The following NKAIN3 variants were observed in gnomAD, a reference collection of about 807,000 sequenced individuals.
The protein encoded by NKAIN3 is sodium/potassium transporting ATPase interacting 3, also known as sodium/potassium-transporting ATPase subunit beta-1-interacting protein 3.
In NKAIN3, 25 loss-of-function variants were observed where a neutral mutation model predicts 30.2. That is an observed-to-expected ratio of 0.83 (90% CI 0.60 to 1.16). NKAIN3 has a LOEUF of 1.16. NKAIN3 is among the 50% of genes most tolerant of loss of function. The probability of loss-of-function intolerance (pLI) is 0.00; values close to 1 mark genes in which losing one functional copy is unlikely to be tolerated. For missense variants in NKAIN3, 225 were observed against 254.1 expected (o/e 0.89, Z 0.78); for synonymous variants, 91 against 89.6 (o/e 1.02, Z -0.09).
chr8:62,625,504 G>A (rs764240931), intron 3 of NKAIN3, among the ~76,000 whole-genome samples: 18 of 152,032 alleles, frequency 1.2e-4, no homozygotes, highest in Non-Finnish European at 2.4e-4. Flanking sequence ...ATCCATTTAA[G>A]TTTTGTCTCC....
chr8:62,510,571 TAGGGTTTGTTAACAAA>T (rs555032420), intron 1 of NKAIN3, among the ~76,000 whole-genome samples: 72 of 151,852 alleles, frequency 4.7e-4, no homozygotes, highest in African/African-American at 1.7e-3. Flanking sequence ...CTTATGAAAA[TAGGGTTTGTTAACAAA>T]AGGAAAGATG....
intron 1 of NKAIN3, among the ~76,000 whole-genome samples, chr8:62,489,809 G>A (rs1807014189): frequency 6.6e-6 from 1 of 152,088 alleles, no homozygotes; most frequent in Admixed American, 6.6e-5. Context: ...ATATTATCCT[G>A]TGCATTTGGT....
At chr8:62,789,435 T>G (rs28789677) in intron 4 of NKAIN3, among the ~76,000 whole-genome samples, 13,999 of 152,176 alleles carry the variant, frequency 0.092, 670 homozygotes, top group African/African-American at 0.1. Flanking sequence ...GATTTTGGGC[T>G]GAGACAATGG....
intron 1 of NKAIN3, among the ~76,000 whole-genome samples, chr8:62,320,238 G>T (rs1814825185): frequency 6.6e-6 from 1 of 152,082 alleles, no homozygotes; most frequent in Non-Finnish European, 1.5e-5. Flanking sequence ...CTGCATGTGA[G>T]ATGGGTTTCC....
chr8:62,416,276 A>G (rs1232413661), intron 1 of NKAIN3, among the ~76,000 whole-genome samples: 1 of 152,172 alleles, frequency 6.6e-6, no homozygotes, highest in Non-Finnish European at 1.5e-5. Context: ...CTCTAAAATA[A>G]TGGCATTTTA....
rs1233503604 is a variant in NKAIN3 at position 62,972,749 on chromosome 8, A to G, written c.*7342A>G. 6.6e-6 allele frequency among the ~76,000 whole-genome samples: 1 copy of G among 152,156 alleles called. No individual in the cohort carries two copies. Among genetic ancestry groups the G allele is most frequent in the Non-Finnish European group, 1.5e-5 (1 of 68,016 alleles). On this transcript the variant is annotated 3_prime_UTR_variant, in exon 7 of 7. Transcript: ENST00000623646. ...GTGCAGGTTTGTTACATAGGTATAC[A>G]TGTGCCATGGTGGTTTGCTGCACCC...
At chr8:62,543,032 T>G (rs1015826893) in intron 1 of NKAIN3, among the ~76,000 whole-genome samples, 1 of 152,098 alleles carries the variant, frequency 6.6e-6, no homozygotes, top group Non-Finnish European at 1.5e-5. Context: ...CATGTAAGTA[T>G]CTATACTCAT....
chr8:62,262,235 C>A (rs993116105), intron 1 of NKAIN3, among the ~76,000 whole-genome samples: 2 of 152,066 alleles, frequency 1.3e-5, no homozygotes, highest in African/African-American at 4.8e-5. Context: ...AGGTAGCTTT[C>A]CCTCATTATT....
chr8:62,315,470 A>G (rs755209089), intron 1 of NKAIN3, among the ~76,000 whole-genome samples: 3 of 152,176 alleles, frequency 2.0e-5, no homozygotes, highest in Admixed American at 6.5e-5. Context: ...ATAGAAGTTG[A>G]TTTTGCAAGA....
At chr8:62,487,187 G>T (rs754705745) in intron 1 of NKAIN3, among the ~76,000 whole-genome samples, 2 of 152,166 alleles carry the variant, frequency 1.3e-5, no homozygotes, top group African/African-American at 4.8e-5. Flanking sequence ...GTTTACCCAG[G>T]CACTCACTGG....
At chr8:62,898,462 A>G (rs1366637566) in intron 4 of NKAIN3, among the ~76,000 whole-genome samples, 1 of 152,148 alleles carries the variant, frequency 6.6e-6, no homozygotes, top group East Asian at 1.9e-4. Context: ...TCAGGAGTGA[A>G]AAACCAAATA....
chr8:62,304,218 G>C (rs1171869503), intron 1 of NKAIN3, among the ~76,000 whole-genome samples: 1 of 150,464 alleles, frequency 6.6e-6, no homozygotes, highest in African/African-American at 2.5e-5. Context: ...GAAGAGAACT[G>C]GTGCAAGAAA....
At chr8:62,830,521 A>G (rs1218151436) in intron 4 of NKAIN3, among the ~76,000 whole-genome samples, 1 of 152,232 alleles carries the variant, frequency 6.6e-6, no homozygotes, top group Non-Finnish European at 1.5e-5. Context: ...AATTTGCCTT[A>G]AATTTTTCTA....
chr8:62,327,383 T>A (rs1270392891), intron 1 of NKAIN3, among the ~76,000 whole-genome samples: 1 of 152,082 alleles, frequency 6.6e-6, no homozygotes, highest in Non-Finnish European at 1.5e-5. Flanking sequence ...ATTCAAGAAG[T>A]AATTTCCAAA....
intron 5 of NKAIN3, among the ~76,000 whole-genome samples, chr8:62,935,439 G>A (rs1822755686): frequency 6.6e-6 from 1 of 152,030 alleles, no homozygotes; most frequent in Admixed American, 6.5e-5. Flanking sequence ...CACCCTGTGA[G>A]GCAGCCATTG....
At chr8:62,711,033 T>G (rs1814700257) in intron 3 of NKAIN3, among the ~76,000 whole-genome samples, 1 of 152,184 alleles carries the variant, frequency 6.6e-6, no homozygotes. Flanking sequence ...TGGCTGATAA[T>G]TGTTTTGTTT....
intron 3 of NKAIN3, among the ~76,000 whole-genome samples, chr8:62,616,900 G>A (rs1403735560): frequency 6.6e-6 from 1 of 152,176 alleles, no homozygotes; most frequent in East Asian, 1.9e-4. Flanking sequence ...TGTTGTAGTT[G>A]GGGCCTACTG....
chr8:62,379,987 A>G (rs575238400), intron 1 of NKAIN3, among the ~76,000 whole-genome samples: 27 of 152,322 alleles, frequency 1.8e-4, no homozygotes, highest in African/African-American at 6.3e-4. Context: ...TGTCCCTGTC[A>G]TGATATCTCA....
chr8:62,969,796 T>C lies in NKAIN3; in HGVS notation c.*4389T>C, dbSNP rs2130912896. ...TCTGTTGAAGTGTCTAAGAACCATG[T>C]TGAAATATTTGTGATAAATAGGCCA... On this transcript the variant is annotated 3_prime_UTR_variant, in exon 7 of 7. Transcript: ENST00000623646. Among the ~76,000 whole-genome samples the C allele has an allele frequency of 6.6e-6, 1 of 152,296 alleles. No homozygotes were observed. The highest frequency in any genetic ancestry group is 6.5e-5 in the Admixed American group (1 of 15,290).
Sources: allele counts gnomAD v4.1 joint callset (sites outside exome capture counted in the v4.1 genomes callset), GRCh38; gene constraint gnomAD v4.1.1; transcripts MANE v1.5; gene names NCBI Gene and HGNC (gene_info 2026-07-23, HGNC 2026-07-21).